RSU1: variants seen among roughly 807,000 people sequenced by gnomAD.
RSU1 encodes Ras suppressor protein 1.
Under a neutral mutation model 31.1 loss-of-function variants are expected in RSU1, and 26 were observed. The observed-to-expected ratio is 0.84, with a 90% CI of 0.61 to 1.16. The LOEUF is 1.16. RSU1 is among the 50% of genes most tolerant of loss of function. The pLI, the probability that RSU1 is intolerant of heterozygous loss-of-function variation, is 0.00. For missense variants in RSU1, 320 were observed against 339.1 expected, an observed-to-expected ratio of 0.94 and a Z score of 0.44; for synonymous variants, 164 against 136.3, an observed-to-expected ratio of 1.20 and a Z score of -1.41.
intron 7 of RSU1, among the ~76,000 whole-genome samples, chr10:16,711,010 G>A (rs999810489): frequency 2.6e-5 from 4 of 152,028 alleles, no homozygotes; most frequent in Admixed American, 1.3e-4. Flanking sequence ...TCTTTTTTAT[G>A]GCTGCACAGT....
intron 2 of RSU1, among the ~76,000 whole-genome samples, chr10:16,811,621 T>C (rs1838411384): frequency 6.6e-6 from 1 of 152,220 alleles, no homozygotes; most frequent in African/African-American, 2.4e-5. Context: ...GATTCAGTCA[T>C]GCCAAAGGGG....
Position 16,640,355 on chromosome 10 carries a change from C to T in RSU1, c.732-46859G>A, listed in dbSNP as rs151285338. 7.9e-5 allele frequency among the ~76,000 whole-genome samples: 12 copies of T among 152,264 alleles called. No individual in the cohort carries two copies. In the East Asian group the frequency reaches 2.1e-3, roughly 27 times the overall value. On this transcript the variant is annotated intron_variant, in intron 8 of 8. Coordinates refer to ENST00000345264, the MANE Select transcript of RSU1 (RefSeq NM_012425.4). Reference sequence around the variant, plus strand: ...GTAACTTTGTTAACCTCTTCATCATCCCCCTGGTCTGAGTTTCCACTGTCT... The same window carrying T: ...GTAACTTTGTTAACCTCTTCATCATTCCCCTGGTCTGAGTTTCCACTGTCT...
intron 8 of RSU1, among the ~76,000 whole-genome samples, chr10:16,675,589 A>C (rs1835212917): frequency 1.3e-5 from 2 of 152,198 alleles, no homozygotes. Context: ...GAAAATTTGG[A>C]AATATGGGAT....
intron 8 of RSU1, among the ~76,000 whole-genome samples, chr10:16,611,580 C>A (rs1833892032): frequency 6.6e-6 from 1 of 152,198 alleles, no homozygotes; most frequent in African/African-American, 2.4e-5. Context: ...TGCAACAAGA[C>A]AGCCCCTCAC....
At chr10:16,806,128 G>A (rs765680775) in intron 2 of RSU1, among the ~76,000 whole-genome samples, 3 of 152,196 alleles carry the variant, frequency 2.0e-5, no homozygotes, top group African/African-American at 7.2e-5. Flanking sequence ...AAAACTATGT[G>A]TAAGTATTTT....
chr10:16,605,543 T>C (rs1290505753), intron 8 of RSU1, among the ~76,000 whole-genome samples: 1 of 152,204 alleles, frequency 6.6e-6, no homozygotes, highest in African/African-American at 2.4e-5. Context: ...CTCCAGTGCC[T>C]GGTGCCTCAT....
At chr10:16,746,565 C>T (rs1048567370) in intron 7 of RSU1, among the ~76,000 whole-genome samples, 9 of 151,844 alleles carry the variant, frequency 5.9e-5, no homozygotes, top group Admixed American at 1.3e-4. Context: ...TCCAGATCTT[C>T]AGCTCACACA....
intron 3 of RSU1, among the ~76,000 whole-genome samples, chr10:16,776,592 G>C (rs1837537561): frequency 6.6e-6 from 1 of 151,888 alleles, no homozygotes; most frequent in Non-Finnish European, 1.5e-5. Flanking sequence ...GTGAAGACCT[G>C]AAATTGTAGG....
In RSU1 at chr10:16,747,405, G is replaced by A. The variant is rs1299733010; in HGVS notation, c.598+5134C>T. On this transcript the variant is annotated intron_variant, in intron 7 of 8. Transcript: ENST00000345264. ...TCAAATTTAAGATATCTGAGGCTCA[G>A]GTCAGGATGACCTCCTCTCCTCAAT... is the stretch of plus-strand genomic sequence containing the variant. Among the ~76,000 whole-genome samples, 3 of 152,126 alleles carry A rather than the reference G, an allele frequency of 2.0e-5. No individual in the cohort carries two copies. The East Asian group carries it at 5.8e-4, about 29-fold the overall frequency.
chr10:16,720,028 C>G (rs1160395851), intron 7 of RSU1, among the ~76,000 whole-genome samples: 1 of 152,214 alleles, frequency 6.6e-6, no homozygotes, highest in Admixed American at 6.5e-5. Context: ...CCAAAGGTCA[C>G]AGGGTCAATA....
In RSU1 at chr10:16,591,390, A is replaced by C; in HGVS notation, c.*2004T>G. 1 of 152,174 alleles carries C rather than the reference A, an allele frequency of 6.6e-6. No homozygotes were observed. Among genetic ancestry groups the C allele is most frequent in the East Asian group, 1.9e-4 (1 of 5,186 alleles). 9.4% of individuals were successfully genotyped at this position (152,174 alleles called of 1,614,324 possible). ...ATCTCGGATAATTTCCTCAGGATAC[A>C]TTCCTAGAAATAAAAATTCTGGGCC... On this transcript the variant is annotated 3_prime_UTR_variant, in exon 9 of 9. Coordinates refer to ENST00000345264, the MANE Select transcript of RSU1 (RefSeq NM_012425.4).
chr10:16,632,993 C>T (rs1471441569), intron 8 of RSU1, among the ~76,000 whole-genome samples: 1 of 152,156 alleles, frequency 6.6e-6, no homozygotes, highest in East Asian at 1.9e-4. Flanking sequence ...GATGGTCCTA[C>T]TGGTTGGCTA....
chr10:16,807,146 G>A (rs1485016089), intron 2 of RSU1, among the ~76,000 whole-genome samples: 1 of 152,210 alleles, frequency 6.6e-6, no homozygotes, highest in Non-Finnish European at 1.5e-5. Context: ...CACTGAGATT[G>A]CAAACCACAT....
chr10:16,718,785 A>T (rs1414314193), intron 7 of RSU1, among the ~76,000 whole-genome samples: 2 of 152,074 alleles, frequency 1.3e-5, no homozygotes, highest in Admixed American at 6.6e-5. Context: ...GATCAAGACC[A>T]GCGTGGCCAA....
intron 8 of RSU1, among the ~76,000 whole-genome samples, chr10:16,605,876 A>AC (rs1833796081): frequency 6.6e-6 from 1 of 152,124 alleles, no homozygotes; most frequent in African/African-American, 2.4e-5. Context: ...ATCATGGCTC[A>AC]CCGTAGCCTC....
chr10:16,606,407 G>C (rs1405603026), intron 8 of RSU1, among the ~76,000 whole-genome samples: 2 of 152,120 alleles, frequency 1.3e-5, no homozygotes, highest in African/African-American at 2.4e-5. Context: ...TGGGATTACA[G>C]GTACAACTCA....
intron 8 of RSU1, among the ~76,000 whole-genome samples, chr10:16,630,186 G>A (rs1490583402): frequency 3.3e-5 from 5 of 152,028 alleles, no homozygotes; most frequent in Admixed American, 2.0e-4. Context: ...GATTACAACA[G>A]GTGCAAGCCA....
intron 7 of RSU1, among the ~76,000 whole-genome samples, chr10:16,741,327 T>C (rs555238846): frequency 6.6e-6 from 1 of 152,206 alleles, no homozygotes; most frequent in Admixed American, 6.5e-5. Context: ...GGATCAAAGA[T>C]ATAAATGTAA....
chr10:16,788,588 C>T (rs1454955604), intron 2 of RSU1, among the ~76,000 whole-genome samples: 5 of 152,268 alleles, frequency 3.3e-5, no homozygotes, highest in South Asian at 2.1e-4. Flanking sequence ...TTCAAAACCA[C>T]GAATAAAAAA....
Sources: allele counts gnomAD v4.1 joint callset (sites outside exome capture counted in the v4.1 genomes callset), GRCh38; gene constraint gnomAD v4.1.1; transcripts MANE v1.5; gene names NCBI Gene and HGNC (gene_info 2026-07-23, HGNC 2026-07-21).